The following RGS5 variants were observed in gnomAD, a reference collection of about 807,000 sequenced individuals.
The protein encoded by RGS5 is regulator of G-protein signalling 5.
A neutral mutation model predicts 18.9 loss-of-function variants in RGS5; 20 were observed. The ratio of observed to expected loss-of-function variants is 1.06; its 90% CI spans 0.74 to 1.54. RGS5 has a LOEUF of 1.54. Ranked by LOEUF, RGS5 falls within the 40% of genes most tolerant of loss-of-function variation. The pLI is 0.00. For missense variants in RGS5, 201 were observed against 211.8 expected, an observed-to-expected ratio of 0.95 and a Z score of 0.32; for synonymous variants, 57 against 76.2, an observed-to-expected ratio of 0.75 and a Z score of 1.31.
chr1:163,168,429 A>T, intron 1 of RGS5, 61 bp from the exon 2 acceptor site: 1 of 1,222,674 alleles, frequency 8.2e-7, no homozygotes, highest in Non-Finnish European at 1.2e-6. Flanking sequence ...TTTTAAGAAG[A>T]GATTTCTTCC....
At chr1:163,249,486 TTCCTTTTTAATA>T (rs1355677380) in intron 2 of RGS5, among the ~76,000 whole-genome samples, 331 of 152,368 alleles carry the variant, frequency 2.2e-3, no homozygotes, top group African/African-American at 7.8e-3. Context: ...ATGCTGCTAT[TTCCTTTTTAATA>T]AAATGAGGAA....
intron 1 of RGS5, chr1:163,211,536 C>G (rs920791409): frequency 1.3e-5 from 2 of 151,994 alleles, no homozygotes; most frequent in Admixed American, 1.3e-4. Flanking sequence ...ATGAAAGAAT[C>G]GTGACTGGAA....
chr1:163,184,317 ACCAC>A (rs1272528496), intron 1 of RGS5, among the ~76,000 whole-genome samples: 1 of 151,808 alleles, frequency 6.6e-6, no homozygotes, highest in East Asian at 1.9e-4. Flanking sequence ...TATAAAACAC[ACCAC>A]CAAGGGAAAC....
At chr1:163,154,654 G>A (rs1451324852) in intron 3 of RGS5, among the ~76,000 whole-genome samples, 1 of 151,794 alleles carries the variant, frequency 6.6e-6, no homozygotes, top group East Asian at 1.9e-4. Context: ...CCTGTAACTG[G>A]ATAAAATCAG....
intron 2 of RGS5, among the ~76,000 whole-genome samples, chr1:163,279,941 C>A (rs1453661130): frequency 6.6e-6 from 1 of 151,900 alleles, no homozygotes; most frequent in African/African-American, 2.4e-5. Flanking sequence ...ATATAACCTA[C>A]CAAGATTGAA....
intron 4 of RGS5, among the ~76,000 whole-genome samples, chr1:163,150,077 A>G (rs563882220): frequency 3.5e-4 from 54 of 152,288 alleles, no homozygotes; most frequent in African/African-American, 1.1e-3. Context: ...AGTAGGATTC[A>G]CATTCTCTCT....
chr1:163,185,771 G>A (rs556887425), intron 1 of RGS5, among the ~76,000 whole-genome samples: 3 of 152,284 alleles, frequency 2.0e-5, no homozygotes, highest in South Asian at 2.1e-4. Context: ...TTAACTGCAT[G>A]GTTCACTCAA....
intron 1 of RGS5, among the ~76,000 whole-genome samples, chr1:163,312,820 A>G (rs1409990658): frequency 6.6e-6 from 1 of 152,214 alleles, no homozygotes; most frequent in African/African-American, 2.4e-5. Flanking sequence ...TTGTGAAAAC[A>G]CAGGGTCTGA....
At chr1:163,182,117 A>G (rs1019151756) in intron 1 of RGS5, among the ~76,000 whole-genome samples, 4 of 152,128 alleles carry the variant, frequency 2.6e-5, no homozygotes, top group Non-Finnish European at 5.9e-5. Context: ...CGTATCTTGC[A>G]TGTATGTGTT....
intron 1 of RGS5, among the ~76,000 whole-genome samples, chr1:163,178,276 A>G (rs1658652463): frequency 6.6e-6 from 1 of 152,196 alleles, no homozygotes; most frequent in South Asian, 2.1e-4. Flanking sequence ...GTGCCACTGC[A>G]CTTGGGCCTA....
At chr1:163,278,635 A>C (rs1329748196) in intron 2 of RGS5, among the ~76,000 whole-genome samples, 2 of 152,124 alleles carry the variant, frequency 1.3e-5, no homozygotes, top group African/African-American at 4.8e-5. Context: ...TAAGAAAGGA[A>C]TAAGAAATAT....
At chr1:163,316,656 T>C (rs1235574874) in intron 1 of RGS5, among the ~76,000 whole-genome samples, 1 of 152,030 alleles carries the variant, frequency 6.6e-6, no homozygotes, top group African/African-American at 2.4e-5. Flanking sequence ...GACTAGAACA[T>C]AGTTGGAATA....
chr1:163,282,268 T>C (rs1024408496), intron 2 of RGS5, among the ~76,000 whole-genome samples: 2 of 152,074 alleles, frequency 1.3e-5, no homozygotes, highest in Non-Finnish European at 2.9e-5. Context: ...GATTTTAAAA[T>C]AGAAAAAGAT....
intron 2 of RGS5, among the ~76,000 whole-genome samples, chr1:163,261,146 G>T (rs1648423875): frequency 6.6e-6 from 1 of 152,190 alleles, no homozygotes; most frequent in African/African-American, 2.4e-5. Context: ...TACAAACGTT[G>T]TGTGCTTCCT....
intron 2 of RGS5, among the ~76,000 whole-genome samples, chr1:163,165,383 A>G (rs1485422472): frequency 1.3e-5 from 2 of 152,248 alleles, no homozygotes; most frequent in Admixed American, 1.3e-4. Flanking sequence ...ATGAATATCT[A>G]TATCAGCTCC....
rs755241558 is a variant in RGS5 at position 163,147,389 on chromosome 1, G to C, written c.499C>G (p.Leu167Val). 35 of 1,612,356 alleles carry C rather than the reference G, an allele frequency of 2.2e-5. No homozygotes were observed. The highest frequency in any genetic ancestry group is 2.4e-5 in the Non-Finnish European group (28 of 1,179,274). ...AACTCAGAGCGCACAAAGCGAGGCA[G>C]AGAATCCTTTTCCATCAGGGCATGG... ...RIHALMEKDS[L>V]PRFVRSEFYQ... is the part of the protein sequence containing the mutation. Residue 167 changes from leucine (L) to valine (V), a missense_variant, in exon 5 of 5, where the codon CTG becomes GTG. Physicochemically the swap from Leu to Val is conservative, Grantham distance 32 (BLOSUM62 1). Transcript: ENST00000313961.
intron 1 of RGS5, among the ~76,000 whole-genome samples, chr1:163,209,807 T>A (rs1203692913): frequency 2.6e-5 from 4 of 152,180 alleles, no homozygotes; most frequent in African/African-American, 9.6e-5. Flanking sequence ...AGTTTTCTTT[T>A]TCTTTACCAA....
chr1:163,258,946 G>A (rs923964504), intron 2 of RGS5, among the ~76,000 whole-genome samples: 1 of 151,894 alleles, frequency 6.6e-6, no homozygotes, highest in African/African-American at 2.4e-5. Context: ...CAAAGTGCTG[G>A]GATTACAGGT....
intron 2 of RGS5, among the ~76,000 whole-genome samples, chr1:163,271,276 T>C (rs1303654124): frequency 6.6e-6 from 1 of 152,192 alleles, no homozygotes; most frequent in Non-Finnish European, 1.5e-5. Flanking sequence ...TTGTGTTTCC[T>C]GCAAACTAAC....
Sources: gnomAD v4.1 joint callset for allele counts (sites outside exome capture counted in the v4.1 genomes callset) on GRCh38, gnomAD v4.1.1 for gene constraint, MANE v1.5 for transcripts, NCBI Gene and HGNC (gene_info 2026-07-23, HGNC 2026-07-21) for gene names.